The following MYLK variants were observed in gnomAD, a reference collection of about 807,000 sequenced individuals.
MYLK encodes myosin light chain kinase, also known as myosin light chain kinase, smooth muscle.
A neutral mutation model predicts 203.4 loss-of-function variants in MYLK; 106 were observed. The ratio of observed to expected loss-of-function variants is 0.52; its 90% confidence interval spans 0.45 to 0.61. The LOEUF is 0.61. Among genes scored for constraint, MYLK ranks in the 20% least tolerant of loss-of-function variants. The probability of loss-of-function intolerance (pLI) is 0.00; values close to 1 mark genes in which losing one functional copy is unlikely to be tolerated. For missense variants in MYLK, 2,072 were observed against 2,442.3 expected, an observed-to-expected ratio of 0.85 and a Z score of 3.20; for synonymous variants, 867 against 959.5, an observed-to-expected ratio of 0.90 and a Z score of 1.78.
Position 123,614,125 on chromosome 3 carries a change from C to A in MYLK, c.5725G>T (p.Gly1909Trp). 1 of 1,613,850 alleles carries A rather than the reference C, an allele frequency of 6.2e-7. No homozygotes were observed. The highest frequency in any genetic ancestry group is 8.5e-7 in the Non-Finnish European group (1 of 1,180,008). ...TTGTTTCACTCTTCTTCCTCTTCCC[C>A]TTCCCCTTCACCTTCCTCCATCGTT... ...VETMEEGEGE[G>W]EEEEE The change falls in exon 34 of 34, where the codon GGG becomes TGG. Residue 1909 changes from glycine to tryptophan, a missense_variant. Transcript: ENST00000360304.
At chr3:123,754,717 T>C (rs1297960885) in intron 4 of MYLK, among the ~76,000 whole-genome samples, 1 of 152,210 alleles carries the variant, frequency 6.6e-6, no homozygotes, top group African/African-American at 2.4e-5. Context: ...TAACTATTAG[T>C]TTCTGAGAGT....
At chr3:123,786,540 G>A (rs1331534520) in intron 4 of MYLK, among the ~76,000 whole-genome samples, 1 of 126,396 alleles carries the variant, frequency 7.9e-6, no homozygotes, top group Admixed American at 8.0e-5. Flanking sequence ...GGGAGGAGGG[G>A]GGGATGGCTA....
rs193100041 is a variant in MYLK at position 123,846,632 on chromosome 3, G to A, written c.-126-14962C>T. ...AATTGTTTCCTAAAGCTGTAGTACC[G>A]TCCTTCCAGCAGCGTAGGAGACTGT... is the stretch of plus-strand genomic sequence containing the variant. On this transcript the variant is annotated intron_variant, in intron 2 of 33. Transcript: ENST00000360304. 1.2e-3 allele frequency among the ~76,000 whole-genome samples: 187 copies of A among 152,212 alleles called. 3 individuals carry two copies. The highest frequency in any genetic ancestry group is 6.2e-3 in the East Asian group (32 of 5,166).
Position 123,859,965 on chromosome 3 carries a change from G to GA in MYLK, c.-127+16593dup, listed in dbSNP as rs142294474. On this transcript the variant is annotated intron_variant, in intron 2 of 33. Transcript: ENST00000360304. Reference sequence around the variant, plus strand: ...TCTTTAATATTTTCAGACGCAGTTAGAAAAAAAAAAAACTCCCCCTCAGAA... The same window carrying GA: ...TCTTTAATATTTTCAGACGCAGTTAGAAAAAAAAAAAAACTCCCCCTCAGAA... 9.2e-3 allele frequency among the ~76,000 whole-genome samples: 1,216 copies of GA among 132,086 alleles called. 12 individuals carry two copies. The highest frequency in any genetic ancestry group is 0.03 in the South Asian group (123 of 4,148). The allele number at this position is 132,086 out of a possible 152,430, so 86.7% of individuals were successfully genotyped here. A position where few individuals can be genotyped will look rare whatever the true frequency, so the allele number is the denominator to read the frequency against.
At chr3:123,620,166 C>T (rs1359759282) in intron 32 of MYLK, 41 bp downstream of exon 32, 2 of 1,566,914 alleles carry the variant, frequency 1.3e-6, no homozygotes, top group Non-Finnish European at 1.8e-6. Context: ...GTTCCCCAGC[C>T]CTTTCTTTCT....
intron 15 of MYLK, 87 bp downstream of exon 15, chr3:123,708,611 C>A: frequency 6.7e-7 from 1 of 1,502,708 alleles, no homozygotes. Flanking sequence ...ACAAAGTAGC[C>A]TCATGTGGTT....
rs1227769020 is a variant in MYLK at position 123,884,243 on chromosome 3, C to G, written c.-223G>C. The G allele has an allele frequency of 6.7e-6, 1 of 149,584 alleles. No homozygotes were observed. Among genetic ancestry groups the G allele is most frequent in the East Asian group, 2.0e-4 (1 of 5,122 alleles). 9.3% of individuals were successfully genotyped at this position (149,584 alleles called of 1,614,324 possible). A position where few individuals can be genotyped will look rare whatever the true frequency, so the allele number is the denominator to read the frequency against. On this transcript the variant is annotated 5_prime_UTR_variant, in exon 1 of 34. Coordinates refer to ENST00000360304, the MANE Select transcript of MYLK (RefSeq NM_053025.4). ...GGCGGCCCGGGAGCCGGGGCACCGG[C>G]GCTCGGCGGGGCGCCCCGGCCGCAG... is the stretch of plus-strand genomic sequence containing the variant.
chr3:123,731,790 A>AAG (rs1426270518), intron 11 of MYLK, among the ~76,000 whole-genome samples: 1 of 151,760 alleles, frequency 6.6e-6, no homozygotes, highest in Admixed American at 6.6e-5. Context: ...TTATAAAAAA[A>AAG]AAAGTAACAA....
At chr3:123,667,293 G>T in intron 20 of MYLK, 106 bp from the exon 21 acceptor site, 1 of 1,094,136 alleles carries the variant, frequency 9.1e-7, no homozygotes. Flanking sequence ...CATCCAGGGA[G>T]GACTCTTATT....
At chr3:123,718,493 A>C (rs1340932407) in intron 13 of MYLK, among the ~76,000 whole-genome samples, 1 of 152,104 alleles carries the variant, frequency 6.6e-6, no homozygotes, top group Non-Finnish European at 1.5e-5. Context: ...CGCATTCTGA[A>C]CTCACTTTCT....
At chr3:123,852,922 A>G (rs1258545799) in intron 2 of MYLK, among the ~76,000 whole-genome samples, 1 of 152,188 alleles carries the variant, frequency 6.6e-6, no homozygotes, top group Non-Finnish European at 1.5e-5. Context: ...CAGTCTCCCC[A>G]TATTTGACAA....
At chr3:123,631,612 G>C (rs542515462) in intron 29 of MYLK, among the ~76,000 whole-genome samples, 295 of 152,228 alleles carry the variant, frequency 1.9e-3, no homozygotes, top group African/African-American at 6.5e-3. Context: ...GGAACCCTCT[G>C]GTGAAACCTT....
rs553271824 is a variant in MYLK, at chr3:123,718,956, C to T, written c.1804+3172G>A. 4.9e-3 allele frequency among the ~76,000 whole-genome samples: 746 copies of T among 152,250 alleles called. 1 individual carries two copies. The highest frequency in any genetic ancestry group is 8.7e-3 in the Non-Finnish European group (592 of 68,018). On this transcript the variant is annotated intron_variant, in intron 13 of 33. Transcript: ENST00000360304. ...ATAAGTAAGTGTAATACTAGAAGCA[C>T]ACGGTGTTCAGGGAACGCATTCTGG...
chr3:123,627,461 C>A (rs1201781380), intron 30 of MYLK, among the ~76,000 whole-genome samples: 4 of 152,194 alleles, frequency 2.6e-5, no homozygotes, highest in Admixed American at 2.0e-4. Context: ...AGAAGTAGGT[C>A]CTGCCTATAA....
Position 123,618,721 on chromosome 3 carries a change from A to G in MYLK, c.5418T>C (p.His1806=), listed in dbSNP as rs551716136. The change falls in exon 33 of 34, where the codon CAT becomes CAC. Residue 1806 remains histidine, a synonymous_variant. Coordinates refer to ENST00000360304, the MANE Select transcript of MYLK (RefSeq NM_053025.4). ...FLEAVAEEKP[H]VKPYFSKTIR... ...TGGTCTTAGAGAAATAGGGTTTTAC[A>G]TGAGGCTTTTCCTCAGCAACAGCCT... The G allele has an allele frequency of 3.1e-6, 5 of 1,614,194 alleles. No individual in the cohort carries two copies. Among genetic ancestry groups the G allele is most frequent in the Admixed American group, 1.7e-5 (1 of 60,024 alleles).
At chr3:123,835,498 C>A (rs532866249) in intron 2 of MYLK, among the ~76,000 whole-genome samples, 12 of 152,158 alleles carry the variant, frequency 7.9e-5, no homozygotes, top group Non-Finnish European at 1.8e-4. Context: ...TATCAAGGGC[C>A]AATCTGAGCC....
intron 13 of MYLK, chr3:123,716,289 C>T (rs1364586082): frequency 6.6e-6 from 1 of 152,188 alleles, no homozygotes. Context: ...AGCTGTAAAT[C>T]CCCGGGGCAT....
intron 2 of MYLK, among the ~76,000 whole-genome samples, chr3:123,842,075 ATAT>A (rs1326947338): frequency 6.6e-6 from 1 of 152,132 alleles, no homozygotes; most frequent in East Asian, 1.9e-4. Context: ...GACAGATAAA[ATAT>A]TATTATACAA....
chr3:123,692,880 A>G, intron 18 of MYLK, 29 bp from the exon 19 acceptor site: 1 of 1,593,266 alleles, frequency 6.3e-7, no homozygotes, highest in Non-Finnish European at 8.6e-7. Flanking sequence ...GGAGTGAACC[A>G]GGTGTGGTCG....
Sources: allele counts gnomAD v4.1 joint callset (sites outside exome capture counted in the v4.1 genomes callset), GRCh38; gene constraint gnomAD v4.1.1; transcripts MANE v1.5; gene names NCBI Gene and HGNC (gene_info 2026-07-23, HGNC 2026-07-21).